The following RAB11B variants were observed in gnomAD, a reference collection of about 807,000 sequenced individuals.
The protein encoded by RAB11B is RAB11B, member RAS oncogene family, also known as ras-related protein Rab-11B.
RAB11B carries 7 observed loss-of-function variants against 23.7 expected under a neutral mutation model. The observed-to-expected ratio is 0.29, with a 90% CI of 0.17 to 0.55. The LOEUF (loss-of-function observed/expected upper bound fraction) is 0.55. RAB11B is among the 20% of genes least tolerant of loss of function. The pLI is 0.93. For missense variants in RAB11B, 189 were observed against 320.0 expected (o/e 0.59, Z 3.12); for synonymous variants, 138 against 132.0 (o/e 1.05, Z -0.31).
chr19:8,398,460 G>A lies in RAB11B; in HGVS notation c.41-1403G>A, dbSNP rs188110050. 1.3e-3 allele frequency among the ~76,000 whole-genome samples: 196 copies of A among 152,316 alleles called. 1 individual carries two copies. Among genetic ancestry groups the A allele is most frequent in the Non-Finnish European group, 1.6e-3 (109 of 68,028 alleles). On this transcript the variant is annotated intron_variant, in intron 1 of 4. Coordinates refer to ENST00000328024, the MANE Select transcript of RAB11B (RefSeq NM_004218.4). Reference sequence around the variant, plus strand: ...GTGCACACACGTGGACTGCCACACGGACTGCCCCTTGAATGAGGACTTAGC... The same window carrying A: ...GTGCACACACGTGGACTGCCACACGAACTGCCCCTTGAATGAGGACTTAGC...
At chr19:8,393,659 G>C (rs1427589922) in intron 1 of RAB11B, among the ~76,000 whole-genome samples, 2 of 152,214 alleles carry the variant, frequency 1.3e-5, no homozygotes, top group Non-Finnish European at 2.9e-5. Context: ...CCCCATAGAA[G>C]AGCTGAGACA....
Position 8,403,734 on chromosome 19 carries a change from G to C in RAB11B, c.*176G>C, listed in dbSNP as rs1000392208. 1 of 907,188 alleles carries C rather than the reference G, an allele frequency of 1.1e-6. No individual in the cohort carries two copies. Among genetic ancestry groups the C allele is most frequent in the Non-Finnish European group, 1.6e-6 (1 of 641,006 alleles). The allele number at this position is 907,188 out of a possible 1,614,324, so 56.2% of individuals were successfully genotyped here. On this transcript the variant is annotated 3_prime_UTR_variant, in exon 5 of 5. Transcript: ENST00000328024. The stretch of plus-strand genomic sequence containing the variant: ...GAGCCAGTGCTACCCCGTCCTGCCC[G>C]GGGAAAAGCTAGAAGCCCCGGTTTG...
At chr19:8,401,910 T>C (rs902056150) in intron 2 of RAB11B, among the ~76,000 whole-genome samples, 176 bp from the exon 3 acceptor site, 3 of 152,198 alleles carry the variant, frequency 2.0e-5, no homozygotes, top group Admixed American at 1.3e-4. Context: ...CAGAGCTGGA[T>C]CCAGGGAGCA....
Position 8,399,013 on chromosome 19 carries a change from C to G in RAB11B, c.41-850C>G, listed in dbSNP as rs866634318. Among the ~76,000 whole-genome samples, 4 of 150,866 alleles carry G rather than the reference C, an allele frequency of 2.7e-5. No homozygotes were observed. The East Asian group carries it at 7.8e-4, about 29-fold the overall frequency. On this transcript the variant is annotated intron_variant, in intron 1 of 4. Coordinates refer to ENST00000328024, the MANE Select transcript of RAB11B (RefSeq NM_004218.4). ...TGTCACCCAGGCTGGAGTACGGTGGCGTGATCTCGGCTCACTGCAAGCTCC... is the reference window on the plus strand; with the variant it reads ...TGTCACCCAGGCTGGAGTACGGTGGGGTGATCTCGGCTCACTGCAAGCTCC...
chr19:8,402,665 C>CT (rs1555691046), intron 4 of RAB11B, 100 bp downstream of exon 4: 270 of 1,002,016 alleles, frequency 2.7e-4, no homozygotes, highest in Non-Finnish European at 3.6e-4. Flanking sequence ...TTGTTTTTTT[C>CT]TTTTTTTTGT....
intron 1 of RAB11B, among the ~76,000 whole-genome samples, chr19:8,394,761 C>T (rs1971383405): frequency 6.6e-6 from 1 of 152,154 alleles, no homozygotes; most frequent in Non-Finnish European, 1.5e-5. Flanking sequence ...AAAACCCCAC[C>T]TCTACTAAAA....
intron 1 of RAB11B, 107 bp from the exon 2 acceptor site, chr19:8,399,756 A>G (rs2032550347): frequency 1.5e-6 from 2 of 1,298,874 alleles, no homozygotes; most frequent in African/African-American, 1.5e-5. Flanking sequence ...ACTCCTCCAC[A>G]CCGTTGGCAG....
intron 1 of RAB11B, among the ~76,000 whole-genome samples, chr19:8,391,921 A>G (rs112463427): frequency 0.018 from 2,809 of 152,108 alleles, 38 homozygotes; most frequent in Middle Eastern, 0.051. Context: ...GGGCTCTGGC[A>G]GCTGCACACA....
chr19:8,403,169 G>C (rs1199571318), intron 4 of RAB11B, among the ~76,000 whole-genome samples: 2 of 152,188 alleles, frequency 1.3e-5, no homozygotes, highest in Non-Finnish European at 2.9e-5. Context: ...GAGCCTTTTG[G>C]CTTCTGGGAG....
At chr19:8,392,198 C>A (rs906811761) in intron 1 of RAB11B, among the ~76,000 whole-genome samples, 2 of 152,078 alleles carry the variant, frequency 1.3e-5, no homozygotes, top group African/African-American at 2.4e-5. Context: ...TCCCCACATG[C>A]CCCATCCAGG....
chr19:8,400,211 C>A, intron 2 of RAB11B, 153 bp downstream of exon 2: 1 of 938,458 alleles, frequency 1.1e-6, no homozygotes, highest in Non-Finnish European at 1.6e-6. Flanking sequence ...TTTAGCCATG[C>A]GCCGTGGGAC....
chr19:8,401,498 TGCCTTA>T (rs1971437159), intron 2 of RAB11B, among the ~76,000 whole-genome samples: 1 of 151,420 alleles, frequency 6.6e-6, no homozygotes, highest in African/African-American at 2.4e-5. Context: ...GCAATTCTCC[TGCCTTA>T]GCCTCCCGAG....
chr19:8,399,956 G>A lies in RAB11B; in HGVS notation c.134G>A (p.Gly45Asp). ...EFNLESKSTI[G>D]VEFATRSIQV... ...AACCTGGAGAGCAAGAGCACCATCG[G>A]CGTGGAGTTCGCCACCCGCAGCATC... is the stretch of plus-strand genomic sequence containing the variant. Residue 45 changes from glycine to aspartate, a missense_variant, in exon 2 of 5, where the codon GGC becomes GAC. Physicochemically the swap from Gly to Asp is moderately conservative, Grantham distance 94. Around this residue, in one of 5 missense-constraint regions of RAB11B, gnomAD observed 28 missense variants for 43.1 expected, o/e 0.65. Transcript: ENST00000328024. The A allele has an allele frequency of 6.2e-7, 1 of 1,614,232 alleles. No individual in the cohort carries two copies.
chr19:8,393,514 G>C (rs968147497), intron 1 of RAB11B, among the ~76,000 whole-genome samples: 1 of 152,240 alleles, frequency 6.6e-6, no homozygotes, highest in African/African-American at 2.4e-5. Flanking sequence ...TGAGGCTCCT[G>C]AGGCAGCTCC....
At chr19:8,392,685 CTTTTTTTTTTTTTT>C (rs74176644) in intron 1 of RAB11B, among the ~76,000 whole-genome samples, 1 of 79,666 alleles carries the variant, frequency 1.3e-5, no homozygotes. Context: ...TTTTTCTTTT[CTTTTTTTTTTTTTT>C]TTTTTTTTGA....
intron 1 of RAB11B, among the ~76,000 whole-genome samples, chr19:8,398,850 C>T (rs540684981): frequency 1.3e-5 from 2 of 152,194 alleles, no homozygotes; most frequent in East Asian, 1.9e-4. Flanking sequence ...GATTCGATCT[C>T]GGCTCACTGC....
Position 8,402,108 on chromosome 19 carries a change from G to A in RAB11B, c.259G>A (p.Ala87Thr), listed in dbSNP as rs1456363974. Residue 87 changes from alanine (A) to threonine (T), a missense_variant, in exon 3 of 5, where the codon GCC (alanine) becomes ACC (threonine). By Grantham distance (58) the Ala-to-Thr change is moderately conservative. Coordinates refer to ENST00000328024, the MANE Select transcript of RAB11B (RefSeq NM_004218.4). The part of the protein sequence containing the change: ...TSAYYRGAVG[A>T]LLVYDIAKHL... ...CAGGTACTACCGTGGTGCAGTGGGC[G>A]CCCTGCTGGTGTACGACATCGCCAA... is the stretch of plus-strand genomic sequence containing the variant. The A allele has an allele frequency of 1.2e-6, 2 of 1,603,600 alleles. No homozygotes were observed. The highest frequency in any genetic ancestry group is 1.7e-6 in the Non-Finnish European group (2 of 1,175,280).
intron 1 of RAB11B, among the ~76,000 whole-genome samples, chr19:8,394,863 G>C (rs1971384357): frequency 6.6e-6 from 1 of 152,226 alleles, no homozygotes. Context: ...TCAGGAGGCG[G>C]AGAGTACAGT....
chr19:8,391,956 A>G (rs1282720452), intron 1 of RAB11B, among the ~76,000 whole-genome samples: 1 of 151,822 alleles, frequency 6.6e-6, no homozygotes. Flanking sequence ...CTGGTGGGTG[A>G]GGCTCTGTGG....
Sources: gnomAD v4.1 joint callset for allele counts (sites outside exome capture counted in the v4.1 genomes callset) on GRCh38, gnomAD v4.1.1 for gene constraint, gnomAD v4.1.1 regional missense constraint, MANE v1.5 for transcripts, NCBI Gene and HGNC (gene_info 2026-07-23, HGNC 2026-07-21) for gene names.